The following PRMT3 variants were observed in gnomAD, a reference collection of about 807,000 sequenced individuals.
The protein encoded by PRMT3 is protein arginine methyltransferase 3.
PRMT3 carries 62 observed loss-of-function variants against 71.9 expected under a neutral mutation model. The observed-to-expected ratio is 0.86, with a 90% CI of 0.70 to 1.07. The LOEUF (loss-of-function observed/expected upper bound fraction) is 1.07. Ranked by LOEUF, PRMT3 falls within the 50% of genes least tolerant of loss-of-function variation. The pLI, the probability that PRMT3 is intolerant of heterozygous loss-of-function variation, is 0.00. For synonymous variants in PRMT3, 213 were observed against 220.4 expected, an observed-to-expected ratio of 0.97 and a Z score of 0.30; for missense variants, 663 against 643.0, an observed-to-expected ratio of 1.03 and a Z score of -0.34.
intron 15 of PRMT3, among the ~76,000 whole-genome samples, chr11:20,505,097 A>G (rs1010156509): frequency 1.3e-5 from 2 of 152,188 alleles, no homozygotes; most frequent in African/African-American, 4.8e-5. Flanking sequence ...GTACGTAGAA[A>G]TAGAATTTTT....
intron 13 of PRMT3, among the ~76,000 whole-genome samples, chr11:20,471,373 AT>A (rs1277499836): frequency 2.0e-5 from 3 of 152,132 alleles, no homozygotes; most frequent in African/African-American, 7.2e-5. Context: ...TCTTTAATCC[AT>A]TTTGAGTTAA....
chr11:20,487,540 G>A (rs962828916), intron 13 of PRMT3, among the ~76,000 whole-genome samples: 1 of 152,180 alleles, frequency 6.6e-6, no homozygotes, highest in Non-Finnish European at 1.5e-5. Context: ...AGAGGCATAG[G>A]TGCATGAGGG....
At chr11:20,439,052 G>A (rs1030275521) in intron 10 of PRMT3, among the ~76,000 whole-genome samples, 1 of 152,302 alleles carries the variant, frequency 6.6e-6, no homozygotes, top group Non-Finnish European at 1.5e-5. Flanking sequence ...ATGAAGGGGA[G>A]CCATGGCTAC....
At chr11:20,440,494 A>T (rs1849867477) in intron 10 of PRMT3, among the ~76,000 whole-genome samples, 1 of 63,914 alleles carries the variant, frequency 1.6e-5, no homozygotes, top group Admixed American at 1.2e-4. Context: ...AAATACAAAA[A>T]AAAAAAAAAA....
Position 20,408,040 on chromosome 11 carries a change from T to A in PRMT3, c.893+8T>A. 1 of 1,519,330 alleles carries A rather than the reference T, an allele frequency of 6.6e-7. No homozygotes were observed. The allele number at this position is 1,519,330 out of a possible 1,614,324, so 94.1% of individuals were successfully genotyped here. On this transcript the variant is annotated splice_region_variant and intron_variant, in intron 9 of 15. Transcript: ENST00000331079. Reference sequence around the variant, plus strand: ...GGCAATGGATATTATAAGGTACATATATTTTAAGCCTTCATTTAAGATTAT... The same window carrying A: ...GGCAATGGATATTATAAGGTACATAAATTTTAAGCCTTCATTTAAGATTAT...
chr11:20,464,573 A>G (rs774337066), intron 13 of PRMT3, 27 bp downstream of exon 13: 25 of 1,604,204 alleles, frequency 1.6e-5, no homozygotes, highest in Non-Finnish European at 2.1e-5. Context: ...TGCTTTTACA[A>G]ATTTCACTAG....
At chr11:20,414,480 A>G (rs1849258726) in intron 9 of PRMT3, among the ~76,000 whole-genome samples, 1 of 152,202 alleles carries the variant, frequency 6.6e-6, no homozygotes, top group South Asian at 2.1e-4. Context: ...TGAACTCTGC[A>G]GTGAAAGATC....
chr11:20,503,248 A>C (rs1489470242), intron 15 of PRMT3, among the ~76,000 whole-genome samples: 1 of 152,038 alleles, frequency 6.6e-6, no homozygotes, highest in Non-Finnish European at 1.5e-5. Flanking sequence ...ACTTTTGTAC[A>C]ATGTATTGAA....
At chr11:20,425,189 A>G (rs1849520758) in intron 9 of PRMT3, among the ~76,000 whole-genome samples, 1 of 152,204 alleles carries the variant, frequency 6.6e-6, no homozygotes. Flanking sequence ...ACATGGGAAT[A>G]TGGCAAGCAA....
chr11:20,410,864 T>A (rs1849179031), intron 9 of PRMT3, among the ~76,000 whole-genome samples: 1 of 152,082 alleles, frequency 6.6e-6, no homozygotes, highest in Non-Finnish European at 1.5e-5. Flanking sequence ...TGTCCCTGAT[T>A]CAGCAAGTGA....
At chr11:20,504,688 A>ATGTGTG (rs1216877795) in intron 15 of PRMT3, among the ~76,000 whole-genome samples, 238 of 115,726 alleles carry the variant, frequency 2.1e-3, no homozygotes, top group African/African-American at 7.9e-3. Flanking sequence ...CAAGTATTGT[A>ATGTGTG]TGTGTGTGTG....
chr11:20,496,672 G>A (rs1349893641), intron 15 of PRMT3, among the ~76,000 whole-genome samples: 1 of 152,010 alleles, frequency 6.6e-6, no homozygotes, highest in Non-Finnish European at 1.5e-5. Context: ...GGAAAACTTT[G>A]TAAAAAATTG....
chr11:20,472,604 T>C (rs951240523), intron 13 of PRMT3, among the ~76,000 whole-genome samples: 1 of 152,142 alleles, frequency 6.6e-6, no homozygotes, highest in Admixed American at 6.6e-5. Flanking sequence ...TGCATTGATG[T>C]TCATCAAGGA....
chr11:20,478,613 CA>C (rs1405370835), intron 13 of PRMT3, among the ~76,000 whole-genome samples: 1 of 151,000 alleles, frequency 6.6e-6, no homozygotes, highest in East Asian at 1.9e-4. Flanking sequence ...GGAATCAAAA[CA>C]AGTCTTTCAG....
intron 13 of PRMT3, among the ~76,000 whole-genome samples, chr11:20,466,646 GA>G (rs1376395019): frequency 3.9e-5 from 6 of 152,064 alleles, no homozygotes; most frequent in African/African-American, 1.2e-4. Flanking sequence ...TAGTATTTAG[GA>G]TAGAGTACAA....
chr11:20,488,485 T>C (rs1385720269), intron 13 of PRMT3, among the ~76,000 whole-genome samples: 1 of 152,214 alleles, frequency 6.6e-6, no homozygotes, highest in Non-Finnish European at 1.5e-5. Context: ...ATAGTGATTC[T>C]GCTGCATGGA....
intron 10 of PRMT3, among the ~76,000 whole-genome samples, chr11:20,439,852 G>A (rs1849846574): frequency 6.6e-6 from 1 of 152,114 alleles, no homozygotes; most frequent in Non-Finnish European, 1.5e-5. Context: ...TAAGGTGGGA[G>A]GACTTTGTGT....
intron 12 of PRMT3, 43 bp from the exon 13 acceptor site, chr11:20,464,413 TGGAC>T: frequency 6.5e-7 from 1 of 1,529,240 alleles, no homozygotes; most frequent in Non-Finnish European, 8.7e-7. Flanking sequence ...TTTTTTTTTT[TGGAC>T]TATTTTTACT....
chr11:20,416,198 C>T (rs908398948), intron 9 of PRMT3, among the ~76,000 whole-genome samples: 5 of 152,150 alleles, frequency 3.3e-5, no homozygotes, highest in Admixed American at 3.3e-4. Flanking sequence ...CTCTGTAGTG[C>T]AGCCAGACTG....
Sources: gnomAD v4.1 joint callset for allele counts (sites outside exome capture counted in the v4.1 genomes callset) on GRCh38, gnomAD v4.1.1 for gene constraint, MANE v1.5 for transcripts, NCBI Gene and HGNC (gene_info 2026-07-23, HGNC 2026-07-21) for gene names.